The following GRIP2 variants were observed in gnomAD, a reference collection of about 807,000 sequenced individuals.
GRIP2 encodes the protein glutamate receptor interacting protein 2.
Under a neutral mutation model 108.3 loss-of-function variants are expected in GRIP2, and 58 were observed. The observed-to-expected ratio is 0.54, with a 90% CI of 0.43 to 0.67. The LOEUF is 0.67. Ranked by LOEUF, GRIP2 falls within the 30% of genes least tolerant of loss-of-function variation. The pLI is 0.00. For synonymous variants in GRIP2, 586 were observed against 598.2 expected (o/e 0.98, Z 0.30); for missense variants, 1,278 against 1,430.6 (o/e 0.89, Z 1.72).
Position 14,524,386 on chromosome 3 carries a change from C to T in GRIP2, c.403+7G>A. On this transcript the variant is annotated splice_region_variant and intron_variant, in intron 4 of 23. Coordinates refer to ENST00000621039, the MANE Select transcript of GRIP2 (RefSeq NM_001080423.4). ...GTGGAGAAAGTTCCCCGTCCAAGGGCACCCACCGGGCGGGGGCAGCTCATA... is the reference window on the plus strand; with the variant it reads ...GTGGAGAAAGTTCCCCGTCCAAGGGTACCCACCGGGCGGGGGCAGCTCATA... The T allele has an allele frequency of 6.2e-6, 10 of 1,608,436 alleles. No homozygotes were observed. Among genetic ancestry groups the T allele is most frequent in the Non-Finnish European group, 8.5e-6 (10 of 1,177,962 alleles).
At chr3:14,592,080 C>T in the GRIP2 span, among the ~76,000 whole-genome samples, 2 of 152,336 alleles carry the variant, frequency 1.3e-5, no homozygotes, top group Non-Finnish European at 2.9e-5. Flanking sequence ...ATGAATAAGG[C>T]TGCTCAGTAA....
chr3:14,599,621 AAAAG>A, the GRIP2 span, among the ~76,000 whole-genome samples: 1 of 151,728 alleles, frequency 6.6e-6, no homozygotes, highest in African/African-American at 2.4e-5. Flanking sequence ...TTGCTGCAAT[AAAAG>A]AAAGAAAATG....
the GRIP2 span, among the ~76,000 whole-genome samples, chr3:14,562,922 A>AC: frequency 6.6e-6 from 1 of 152,238 alleles, no homozygotes; most frequent in Admixed American, 6.5e-5. Context: ...GGGAGAAAGT[A>AC]CAATGGGGCA....
chr3:14,580,616 C>T, the GRIP2 span, among the ~76,000 whole-genome samples: 486 of 152,278 alleles, frequency 3.2e-3, 3 homozygotes, highest in Non-Finnish European at 3.2e-3. Flanking sequence ...TCACTTGAGC[C>T]CAGTAGTTTG....
the GRIP2 span, among the ~76,000 whole-genome samples, chr3:14,566,608 A>T: frequency 4.6e-5 from 7 of 152,138 alleles, no homozygotes. Flanking sequence ...ACATCATTGG[A>T]CCTCAGACCA....
chr3:14,585,132 C>T, the GRIP2 span, among the ~76,000 whole-genome samples: 299 of 152,268 alleles, frequency 2.0e-3, 1 homozygote, highest in African/African-American at 6.9e-3. Flanking sequence ...TCAAACGATT[C>T]TCCTGTCTGT....
chr3:14,573,901 C>T, the GRIP2 span: 4 of 1,166,342 alleles, frequency 3.4e-6, no homozygotes, highest in Admixed American at 5.6e-5. Context: ...CCCGACCTGT[C>T]GTTGTGCATG....
rs991561129 is a variant in GRIP2, at chr3:14,512,279, C to T, written c.1720+498G>A. 1.1e-4 allele frequency among the ~76,000 whole-genome samples: 16 copies of T among 152,074 alleles called. No individual in the cohort carries two copies. Among genetic ancestry groups the T allele is most frequent in the African/African-American group, 2.9e-4 (12 of 41,392 alleles). On this transcript the variant is annotated intron_variant, in intron 14 of 23. Coordinates refer to ENST00000621039, the MANE Select transcript of GRIP2 (RefSeq NM_001080423.4). This position sits in a 1 kb window ranked among gnomAD's most constrained non-coding sequence, Gnocchi z 5.1. ...GAGCACAGAGGGCCTCACTGGGGCCCGAGGCCCTCAGCTTTTACTCAGAAT... is the reference window on the plus strand; with the variant it reads ...GAGCACAGAGGGCCTCACTGGGGCCTGAGGCCCTCAGCTTTTACTCAGAAT...
Position 14,511,129 on chromosome 3 carries a change from G to C in GRIP2, c.1933+36C>G, listed in dbSNP as rs1575002012. On this transcript the variant is annotated intron_variant, in intron 16 of 23. Transcript: ENST00000621039. The surrounding 1 kb of genome is among the most constrained non-coding windows in gnomAD (Gnocchi z 4.1). ...TGGGAACCCGCTAGTCAAAGGGTGG[G>C]CCTCTGGAGGTAGGAGGCCAGCATG... is the stretch of plus-strand genomic sequence containing the variant. 1.2e-6 allele frequency: 2 copies of C among 1,609,804 alleles called. No individual in the cohort carries two copies. Among genetic ancestry groups the C allele is most frequent in the Admixed American group, 1.7e-5 (1 of 59,664 alleles).
At chr3:14,514,661 G>A (rs1457903396) in intron 11 of GRIP2, among the ~76,000 whole-genome samples, 183 bp from the exon 12 acceptor site, 1 of 152,200 alleles carries the variant, frequency 6.6e-6, no homozygotes, top group Non-Finnish European at 1.5e-5. Flanking sequence ...TCTGAACAAT[G>A]GGATCGTTGA....
the GRIP2 span, among the ~76,000 whole-genome samples, chr3:14,566,604 T>C: frequency 7.9e-5 from 12 of 152,206 alleles, no homozygotes; most frequent in African/African-American, 1.4e-4. Flanking sequence ...ATCAACATCA[T>C]TGGACCTCAG....
chr3:14,573,909 A>G, the GRIP2 span: 2 of 1,144,764 alleles, frequency 1.7e-6, no homozygotes, highest in East Asian at 2.5e-5. Flanking sequence ...GTCGTTGTGC[A>G]TGCAGCAGGC....
At chr3:14,578,858 T>TTC in the GRIP2 span, among the ~76,000 whole-genome samples, 16 of 151,380 alleles carry the variant, frequency 1.1e-4, no homozygotes, top group East Asian at 7.8e-4. Flanking sequence ...TTTTTTTTTT[T>TTC]TCTCTCTCTC....
In GRIP2 at chr3:14,491,312, G is replaced by A. The variant is rs1027326279; in HGVS notation, c.*2353C>T. On this transcript the variant is annotated 3_prime_UTR_variant, in exon 24 of 24. Transcript: ENST00000621039. ...TGCAATACAGCCCCTTGTGCTTCCC[G>A]AGAGCCCTAAGAAAACCCGATGTAG... 3 of 152,184 alleles carry A rather than the reference G, an allele frequency of 2.0e-5. No individual in the cohort carries two copies. Among genetic ancestry groups the A allele is most frequent in the South Asian group, 4.1e-4 (2 of 4,830 alleles). 9.4% of individuals were successfully genotyped at this position (152,184 alleles called of 1,614,324 possible). A position where few individuals can be genotyped will look rare whatever the true frequency, so the allele number is the denominator to read the frequency against.
intron 21 of GRIP2, among the ~76,000 whole-genome samples, chr3:14,500,340 A>G (rs1156325665): frequency 1.3e-5 from 2 of 152,234 alleles, no homozygotes; most frequent in Non-Finnish European, 2.9e-5. Context: ...AAACACCATG[A>G]CTAGGAATTT....
intron 1 of GRIP2, among the ~76,000 whole-genome samples, chr3:14,532,670 G>T (rs558378922): frequency 6.6e-6 from 1 of 152,206 alleles, no homozygotes; most frequent in South Asian, 2.1e-4. Context: ...AGTTAGGGGA[G>T]GGGGTTCAAC....
At chr3:14,541,525 G>C (rs1694970125), upstream of GRIP2, among the ~76,000 whole-genome samples, 1 of 152,214 alleles carries the variant, frequency 6.6e-6, no homozygotes, top group South Asian at 2.1e-4. Context: ...ATGGAATTTA[G>C]CCACAATTCC....
At chr3:14,535,043 A>T (rs1694801927) in intron 1 of GRIP2, among the ~76,000 whole-genome samples, 1 of 152,056 alleles carries the variant, frequency 6.6e-6, no homozygotes, top group African/African-American at 2.4e-5. Flanking sequence ...GAGAAAACAA[A>T]TGCCCAGAGG....
chr3:14,522,514 G>C lies in GRIP2; in HGVS notation c.566+486C>G. 1 of 156,916 alleles carries C rather than the reference G, an allele frequency of 6.4e-6. No homozygotes were observed. The highest frequency in any genetic ancestry group is 1.9e-4 in the South Asian group (1 of 5,290). The allele number at this position is 156,916 out of a possible 1,614,324, so 9.7% of individuals were successfully genotyped here. On this transcript the variant is annotated intron_variant, in intron 6 of 23. Coordinates refer to ENST00000621039, the MANE Select transcript of GRIP2 (RefSeq NM_001080423.4). The surrounding 1 kb of genome is among the most constrained non-coding windows in gnomAD (Gnocchi z 4.3). ...GAATCTCCCACTGGGGAGGCCGAGGGATCAGGGGCTGGGAACTGGACATGT... is the reference window on the plus strand; with the variant it reads ...GAATCTCCCACTGGGGAGGCCGAGGCATCAGGGGCTGGGAACTGGACATGT...
Sources: allele counts gnomAD v4.1 joint callset (sites outside exome capture counted in the v4.1 genomes callset), GRCh38; gene constraint gnomAD v4.1.1; non-coding constraint Gnocchi (gnomAD v3.1); transcripts MANE v1.5; gene names NCBI Gene and HGNC (gene_info 2026-07-23, HGNC 2026-07-21).